The following ZFHX3 variants were observed in gnomAD, a reference collection of about 807,000 sequenced individuals.
The protein encoded by ZFHX3 is zinc finger homeobox protein 3.
A neutral mutation model predicts 279.1 loss-of-function variants in ZFHX3; 42 were observed. The ratio of observed to expected loss-of-function variants is 0.15; its 90% CI spans 0.12 to 0.19. The LOEUF (loss-of-function observed/expected upper bound fraction) is 0.19, where lower values mean the gene tolerates loss of function less well. Among genes scored for constraint, ZFHX3 ranks in the 10% least tolerant of loss-of-function variants. The pLI, the probability that ZFHX3 is intolerant of heterozygous loss-of-function variation, is 1.00. For synonymous variants in ZFHX3, 2,293 were observed against 1,957.8 expected (o/e 1.17, Z -4.52); for missense variants, 4,981 against 4,754.0 (o/e 1.05, Z -1.40).
At chr16:73,797,974 T>C (rs1235183985) in intron 1 of ZFHX3, among the ~76,000 whole-genome samples, 3 of 151,896 alleles carry the variant, frequency 2.0e-5, no homozygotes, top group Non-Finnish European at 4.4e-5. Flanking sequence ...ATCCAGCCAA[T>C]TTTTGTGTTT....
Position 72,796,833 on chromosome 16 carries a change from T to C in ZFHX3, c.5849A>G (p.Glu1950Gly). 1.2e-6 allele frequency: 2 copies of C among 1,613,482 alleles called. No individual in the cohort carries two copies. Among genetic ancestry groups the C allele is most frequent in the Non-Finnish European group, 1.7e-6 (2 of 1,179,910 alleles). The stretch of plus-strand genomic sequence containing the variant: ...GATGACCAACTCAAAGCCAAAGTTC[T>C]CCAGCAGGGCCTTGGTGGCGTTCCC... ...ARGNATKALL[E>G]NFGFELVIQY... Residue 1950 changes from glutamate (E) to glycine (G), a missense_variant, in exon 9 of 10, where the codon GAG becomes GGG. Around this residue, in one of 7 missense-constraint regions of ZFHX3, gnomAD observed 1,751 missense variants for 1,770.0 expected, o/e 0.99. Coordinates refer to ENST00000268489, the MANE Select transcript of ZFHX3 (RefSeq NM_006885.4).
chr16:73,005,150 T>A (rs1253249032), intron 1 of ZFHX3, among the ~76,000 whole-genome samples: 1 of 152,216 alleles, frequency 6.6e-6, no homozygotes, highest in Non-Finnish European at 1.5e-5. Context: ...CTATTAGTAA[T>A]GTATTAGTAG....
At chr16:73,768,055 C>A (rs2053972574) in intron 1 of ZFHX3, among the ~76,000 whole-genome samples, 1 of 152,266 alleles carries the variant, frequency 6.6e-6, no homozygotes, top group South Asian at 2.1e-4. Context: ...AGAAGGGTAC[C>A]AGAAAGGATT....
intron 1 of ZFHX3, among the ~76,000 whole-genome samples, chr16:73,890,955 A>G (rs2030515340): frequency 6.6e-6 from 1 of 151,950 alleles, no homozygotes; most frequent in African/African-American, 2.4e-5. Flanking sequence ...AGATCAGAAG[A>G]GGCGCTCCCC....
At chr16:73,560,868 G>T (rs969277993) in intron 2 of ZFHX3, among the ~76,000 whole-genome samples, 1 of 152,202 alleles carries the variant, frequency 6.6e-6, no homozygotes, top group Non-Finnish European at 1.5e-5. Context: ...GTGAGACTAG[G>T]AGGTGGTATT....
chr16:72,928,194 A>AGGGGGAGCGAG (rs1302108425), intron 3 of ZFHX3, among the ~76,000 whole-genome samples: 286 of 4,508 alleles, frequency 0.063, 48 homozygotes, highest in Middle Eastern at 0.1. Flanking sequence ...AGGGAGGGGG[A>AGGGGGAGCGAG]GGGGAGCGAG....
chr16:73,139,741 T>C (rs1010209209), intron 6 of ZFHX3, among the ~76,000 whole-genome samples: 1 of 152,228 alleles, frequency 6.6e-6, no homozygotes, highest in Non-Finnish European at 1.5e-5. Flanking sequence ...ATTGAATCTT[T>C]ATGCTCCCTA....
chr16:72,870,825 A>C (rs1221993335), intron 4 of ZFHX3, among the ~76,000 whole-genome samples: 1 of 152,194 alleles, frequency 6.6e-6, no homozygotes, highest in African/African-American at 2.4e-5. Flanking sequence ...AATTTGAATA[A>C]GGACTATAAT....
intron 2 of ZFHX3, among the ~76,000 whole-genome samples, chr16:73,605,244 C>T (rs888805643): frequency 1.3e-5 from 2 of 152,194 alleles, no homozygotes; most frequent in African/African-American, 4.8e-5. Flanking sequence ...TTTCAAAACA[C>T]TCACGGCAGC....
chr16:73,058,825 G>A (rs1276313091), exon 1 of ZFHX3: 2 of 164,788 alleles, frequency 1.2e-5, no homozygotes, highest in Non-Finnish European at 2.6e-5. Flanking sequence ...ATGGTTGGCG[G>A]GGAGTTTACA....
intron 1 of ZFHX3, among the ~76,000 whole-genome samples, chr16:73,021,554 G>A (rs1230791172): frequency 6.6e-6 from 1 of 152,122 alleles, no homozygotes; most frequent in Non-Finnish European, 1.5e-5. Context: ...GACTGAGCCA[G>A]GTGTGGTGGC....
At chr16:73,653,238 G>C (rs2052688762) in intron 2 of ZFHX3, among the ~76,000 whole-genome samples, 1 of 152,118 alleles carries the variant, frequency 6.6e-6, no homozygotes, top group Admixed American at 6.6e-5. Context: ...TAACAAACTT[G>C]ACCTAATAAC....
At position 72,787,591 on chromosome 16, in the gene ZFHX3, G is replaced by C. The variant is rs2035460603; in HGVS notation, c.10685C>G (p.Ala3562Gly). The C allele has an allele frequency of 2.5e-6, 4 of 1,613,948 alleles. No homozygotes were observed. The highest frequency in any genetic ancestry group is 3.4e-6 in the Non-Finnish European group (4 of 1,179,946). The change falls in exon 10 of 10, where the codon GCA becomes GGA. Residue 3562 changes from alanine (A) to glycine (G), a missense_variant. Ala to Gly is a moderately conservative substitution (Grantham distance 60). This residue lies in a region of ZFHX3 where 1,034 missense variants were observed against 786.0 expected (regional missense o/e 1.32). Transcript: ENST00000268489. ...ACTAGGGTGCTCTTTGGCGTTTCTTGCTGCTCTCGTGATTGTTCTGTGTTT... is the reference window on the plus strand; with the variant it reads ...ACTAGGGTGCTCTTTGGCGTTTCTTCCTGCTCTCGTGATTGTTCTGTGTTT... ...LHKHRTITRA[A>G]RNAKEHPSLL...
chr16:73,444,334 G>A (rs925540161), intron 3 of ZFHX3, among the ~76,000 whole-genome samples: 2 of 152,286 alleles, frequency 1.3e-5, no homozygotes, highest in Admixed American at 6.5e-5. Context: ...ACACTTTACT[G>A]TGCAAAACAG....
intron 5 of ZFHX3, among the ~76,000 whole-genome samples, chr16:72,818,252 A>G (rs2036672625): frequency 6.6e-6 from 1 of 152,070 alleles, no homozygotes; most frequent in African/African-American, 2.4e-5. Context: ...AGCTTCTCAT[A>G]CCTCATGCTC....
intron 3 of ZFHX3, among the ~76,000 whole-genome samples, chr16:73,453,930 C>T (rs186297356): frequency 6.6e-6 from 1 of 152,224 alleles, no homozygotes; most frequent in East Asian, 1.9e-4. Context: ...AGGTCCCTCC[C>T]ACAACATGTG....
chr16:72,829,886 G>A, intron 4 of ZFHX3, 27 bp from the exon 5 acceptor site: 3 of 1,613,266 alleles, frequency 1.9e-6, no homozygotes, highest in Non-Finnish European at 2.5e-6. Context: ...ACATGTCAAG[G>A]GTTAAAAATA....
At chr16:73,519,754 C>G (rs1412209522) in intron 2 of ZFHX3, among the ~76,000 whole-genome samples, 3 of 152,148 alleles carry the variant, frequency 2.0e-5, no homozygotes, top group Non-Finnish European at 4.4e-5. Flanking sequence ...TGAAGTGTTA[C>G]CATTCCACTG....
At chr16:73,447,045 G>A (rs1261560943) in intron 3 of ZFHX3, among the ~76,000 whole-genome samples, 2 of 151,908 alleles carry the variant, frequency 1.3e-5, no homozygotes, top group Admixed American at 1.3e-4. Flanking sequence ...GCCAGGCGTG[G>A]TGGTGGGCAC....
Sources: allele counts gnomAD v4.1 joint callset (sites outside exome capture counted in the v4.1 genomes callset), GRCh38; gene constraint gnomAD v4.1.1; regional missense constraint gnomAD v4.1.1; transcripts MANE v1.5; gene names NCBI Gene and HGNC (gene_info 2026-07-23, HGNC 2026-07-21).